Variants in FBXL3 observed in about 807,000 individuals in gnomAD.
FBXL3 encodes F-box and leucine rich repeat protein 3.
FBXL3 carries 14 observed loss-of-function variants against 37.9 expected under a neutral mutation model. The observed-to-expected ratio is 0.37, with a 90% CI of 0.24 to 0.58. FBXL3 has a LOEUF of 0.58. Ranked by LOEUF, FBXL3 falls within the 20% of genes least tolerant of loss-of-function variation. The pLI is 0.74. For synonymous variants in FBXL3, 194 were observed against 180.1 expected (o/e 1.08, Z -0.62); for missense variants, 327 against 511.1 (o/e 0.64, Z 3.47).
Position 77,013,072 on chromosome 13 carries a change from C to G in FBXL3, c.643+2337G>C, listed in dbSNP as rs549417337. 7.2e-5 allele frequency: 11 copies of G among 152,284 alleles called. 1 individual carries two copies. In the South Asian group the frequency reaches 2.3e-3, roughly 32 times the overall value. The allele number at this position is 152,284 out of a possible 1,614,324, so 9.4% of individuals were successfully genotyped here. ...AACAGACGTGAGCCAACGTGCCCAG[C>G]TGTATTAAAAAGTATTCTTTCTCTT... On this transcript the variant is annotated intron_variant, in intron 4 of 4. Coordinates refer to ENST00000355619, the MANE Select transcript of FBXL3 (RefSeq NM_012158.4).
intron 1 of FBXL3, chr13:77,026,034 T>C (rs2034832577): frequency 7.5e-6 from 3 of 400,220 alleles, no homozygotes; most frequent in Non-Finnish European, 1.0e-5. Flanking sequence ...GTTGATGGTA[T>C]TTTTATAAAT....
Position 77,026,960 on chromosome 13 carries a change from TC to T in FBXL3, c.-136del, listed in dbSNP as rs2034855768. The stretch of plus-strand genomic sequence containing the variant: ...CTCCCGCAGCCGCGGCCCCCCGCGC[TC>T]CGCCCGCATCCGAGGCGCTGGTCCC... On this transcript the variant is annotated 5_prime_UTR_variant, in exon 1 of 5. It removes the in-frame stop codon of an upstream open reading frame in the 5' UTR. Coordinates refer to ENST00000355619, the MANE Select transcript of FBXL3 (RefSeq NM_012158.4). 6.6e-6 allele frequency: 1 copy of T among 151,246 alleles called. No individual in the cohort carries two copies. The highest frequency in any genetic ancestry group is 2.1e-4 in the South Asian group (1 of 4,810). The allele number at this position is 151,246 out of a possible 1,614,324, so 9.4% of individuals were successfully genotyped here.
At chr13:77,023,366 G>T (rs1179878612) in intron 1 of FBXL3, among the ~76,000 whole-genome samples, 2 of 152,212 alleles carry the variant, frequency 1.3e-5, no homozygotes, top group African/African-American at 2.4e-5. Context: ...GTGTGTGTGT[G>T]TGTGTGTCAG....
intron 1 of FBXL3, 46 bp from the exon 2 acceptor site, chr13:77,021,907 T>G: frequency 6.9e-7 from 1 of 1,455,948 alleles, no homozygotes; most frequent in Non-Finnish European, 9.3e-7. Context: ...AACTTTTGAA[T>G]AGAAATAAAC....
chr13:77,022,061 C>CT (rs1191383002), intron 1 of FBXL3, among the ~76,000 whole-genome samples, 200 bp from the exon 2 acceptor site: 1 of 152,108 alleles, frequency 6.6e-6, no homozygotes, highest in Non-Finnish European at 1.5e-5. Context: ...AAATTTTACA[C>CT]TTTTTTGGCA....
intron 2 of FBXL3, among the ~76,000 whole-genome samples, chr13:77,021,009 C>A (rs1238304366): frequency 1.3e-5 from 2 of 152,188 alleles, no homozygotes; most frequent in African/African-American, 4.8e-5. Context: ...ATAAACAGTT[C>A]CCTTTGGCAT....
chr13:77,007,304 A>G lies in FBXL3; in HGVS notation c.1128T>C (p.Phe376=), dbSNP rs2034468845. The change falls in exon 5 of 5, where the codon TTT becomes TTC. Residue 376 remains phenylalanine (F), a synonymous_variant. Transcript: ENST00000355619. The part of the protein sequence containing the change: ...LGECEVSCSA[F]VEFVKMCGGR... ...CACCACACATCTTCACAAACTCAACAAAGGCACTACATGAGACTTCACATT... is the reference window on the plus strand; with the variant it reads ...CACCACACATCTTCACAAACTCAACGAAGGCACTACATGAGACTTCACATT... 6.2e-7 allele frequency: 1 copy of G among 1,614,146 alleles called. No individual in the cohort carries two copies. The highest frequency in any genetic ancestry group is 8.5e-7 in the Non-Finnish European group (1 of 1,180,008).
At position 77,007,307 on chromosome 13, in the gene FBXL3, G is replaced by T. The variant is rs1329620110; in HGVS notation, c.1125C>A (p.Ala375=). 1 of 1,614,082 alleles carries T rather than the reference G, an allele frequency of 6.2e-7. No individual in the cohort carries two copies. The highest frequency in any genetic ancestry group is 2.2e-5 in the East Asian group (1 of 44,888). ...CACACATCTTCACAAACTCAACAAA[G>T]GCACTACATGAGACTTCACATTCCC... ...GLGECEVSCS[A]FVEFVKMCGG... The change falls in exon 5 of 5, where the codon GCC becomes GCA. Residue 375 remains alanine, a synonymous_variant. Transcript: ENST00000355619.
rs1054159444 is a variant in FBXL3 at position 77,026,846 on chromosome 13, C to G, written c.-21G>C. The G allele has an allele frequency of 6.6e-6, 1 of 151,214 alleles. No individual in the cohort carries two copies. Among genetic ancestry groups the G allele is most frequent in the Admixed American group, 6.6e-5 (1 of 15,212 alleles). 9.4% of individuals were successfully genotyped at this position (151,214 alleles called of 1,614,324 possible). ...CGTTACCTGCTGCCGGGGGCGGCTT[C>G]CCCCACACACCACCCCGTGCTCCGG... On this transcript the variant is annotated 5_prime_UTR_variant, in exon 1 of 5. Transcript: ENST00000355619.
rs1206756762 is a variant in FBXL3, at chr13:77,025,657, C to T, written c.-2+1170G>A. Among the ~76,000 whole-genome samples the T allele has an allele frequency of 2.3e-5, 3 of 132,490 alleles. No homozygotes were observed. In the Admixed American group the frequency reaches 2.8e-4, roughly 12 times the overall value. The allele number at this position is 132,490 out of a possible 152,430, so 86.9% of individuals were successfully genotyped here. A position where few individuals can be genotyped will look rare whatever the true frequency, so the allele number is the denominator to read the frequency against. On this transcript the variant is annotated intron_variant, in intron 1 of 4. Transcript: ENST00000355619. ...GAGCCGAGATCGCGCCACTGCACTC[C>T]AGCCTGGGTGACAAAGTGAGTCCTT... is the stretch of plus-strand genomic sequence containing the variant.
intron 4 of FBXL3, chr13:77,014,144 G>GAGTT (rs1290586585): frequency 6.6e-6 from 1 of 152,254 alleles, no homozygotes; most frequent in Non-Finnish European, 1.5e-5. Context: ...GGGCTGGCTG[G>GAGTT]AGTTAGCAAG....
At chr13:77,010,499 T>G (rs144401659) in intron 4 of FBXL3, 11 of 152,348 alleles carry the variant, frequency 7.2e-5, no homozygotes, top group Admixed American at 2.6e-4. Context: ...TCTAATCATA[T>G]GAGCCCCTTT....
At chr13:77,019,375 G>A (rs947917045) in intron 2 of FBXL3, among the ~76,000 whole-genome samples, 2 of 152,130 alleles carry the variant, frequency 1.3e-5, no homozygotes, top group Non-Finnish European at 2.9e-5. Context: ...GTAAAAAGGA[G>A]TTCATCCATC....
chr13:77,026,599 T>C (rs1287674352), intron 1 of FBXL3, among the ~76,000 whole-genome samples: 2 of 151,812 alleles, frequency 1.3e-5, no homozygotes, highest in African/African-American at 2.4e-5. Flanking sequence ...CCACGCCTTG[T>C]TGACATGTTT....
rs190105572 is a variant in FBXL3 at position 77,019,017 on chromosome 13, T to C, written c.349-295A>G. On this transcript the variant is annotated intron_variant, in intron 2 of 4. Transcript: ENST00000355619. ...ATTATGATAAGAGACATATTTAATG[T>C]TGGCTTTTACACTGATTTATTCCAA... 114 of 227,002 alleles carry C rather than the reference T, an allele frequency of 5.0e-4. 1 individual carries two copies. The highest frequency in any genetic ancestry group is 4.6e-3 in the Middle Eastern group (3 of 658). The allele number at this position is 227,002 out of a possible 1,614,324, so 14.1% of individuals were successfully genotyped here.
intron 4 of FBXL3, among the ~76,000 whole-genome samples, chr13:77,012,513 A>G (rs541866136): frequency 6.6e-6 from 1 of 152,356 alleles, no homozygotes; most frequent in Admixed American, 6.5e-5. Flanking sequence ...CTAAGTAACT[A>G]AATGTTCATT....
chr13:77,020,354 G>C (rs2034719338), intron 2 of FBXL3, among the ~76,000 whole-genome samples: 1 of 152,104 alleles, frequency 6.6e-6, no homozygotes, highest in African/African-American at 2.4e-5. Flanking sequence ...AAGCGCCTTT[G>C]TGCAGTTTTC....
chr13:77,017,529 G>GA (rs1344677196), intron 3 of FBXL3: 2 of 151,980 alleles, frequency 1.3e-5, no homozygotes, highest in East Asian at 3.9e-4. Context: ...GAATCACCCC[G>GA]AATTTGAAAA....
chr13:77,012,006 G>A (rs911456041), intron 4 of FBXL3, among the ~76,000 whole-genome samples: 2 of 152,178 alleles, frequency 1.3e-5, no homozygotes, highest in Non-Finnish European at 1.5e-5. Context: ...TTATTCATAA[G>A]TCAAAAGGTA....
Sources: gnomAD v4.1 joint callset for allele counts (sites outside exome capture counted in the v4.1 genomes callset) on GRCh38, gnomAD v4.1.1 for gene constraint, MANE v1.5 for transcripts, NCBI Gene and HGNC (gene_info 2026-07-23, HGNC 2026-07-21) for gene names.